Variants in UNC50 observed in about 807,000 individuals in gnomAD.
UNC50 encodes the protein protein unc-50 homolog.
In UNC50, 24 loss-of-function variants were observed where a neutral mutation model predicts 31.5. The ratio of observed to expected loss-of-function variants is 0.76; its 90% confidence interval spans 0.55 to 1.07. The LOEUF is 1.07. Ranked by LOEUF, UNC50 falls within the 50% of genes least tolerant of loss-of-function variation. The pLI is 0.00. For missense variants in UNC50, 245 were observed against 304.2 expected (o/e 0.81, Z 1.45); for synonymous variants, 118 against 114.7 (o/e 1.03, Z -0.18).
At position 98,616,446 on chromosome 2, in the gene UNC50, G is replaced by A; in HGVS notation, c.556G>A (p.Asp186Asn). 1 of 1,614,104 alleles carries A rather than the reference G, an allele frequency of 6.2e-7. No individual in the cohort carries two copies. The highest frequency in any genetic ancestry group is 1.7e-5 in the Admixed American group (1 of 60,026). ...TCTTCTGGCAGATGTTATCCTGACA[G>A]ACACATTTATTGGATATTTAGTTGG... ...LFFINHVILT[D>N]TFIGYLVGNT... Residue 186 changes from aspartate (D) to asparagine (N), a missense_variant, in exon 5 of 6, where the codon GAC becomes AAC. Transcript: ENST00000357765.
intron 3 of UNC50, among the ~76,000 whole-genome samples, chr2:98,612,880 C>T (rs1399821336): frequency 6.6e-6 from 1 of 152,166 alleles, no homozygotes; most frequent in Non-Finnish European, 1.5e-5. Context: ...CACTATGGCT[C>T]TAAAAAACAA....
chr2:98,610,829 A>C lies in UNC50; in HGVS notation c.335A>C (p.Lys112Thr), dbSNP rs768351651. Reference sequence around the variant, plus strand: ...GACATGGGATTCTTTGAGACAATAAAGCTTCTCCTTTGGGTTGTACTCATA... The same window carrying C: ...GACATGGGATTCTTTGAGACAATAACGCTTCTCCTTTGGGTTGTACTCATA... Reference protein sequence around the residue: ...VLDMGFFETIKLLLWVVLIDC... With the variant: ...VLDMGFFETITLLLWVVLIDC... The change falls in exon 3 of 6, where the codon AAG (lysine) becomes ACG (threonine). Residue 112 changes from lysine (K) to threonine (T), a missense_variant. By Grantham distance (78) the Lys-to-Thr change is moderately conservative (BLOSUM62 -1). Transcript: ENST00000357765. 1 of 1,614,072 alleles carries C rather than the reference A, an allele frequency of 6.2e-7. No individual in the cohort carries two copies. Among genetic ancestry groups the C allele is most frequent in the African/African-American group, 1.3e-5 (1 of 74,934 alleles).
chr2:98,617,526 G>A lies in UNC50; in HGVS notation c.644-642G>A, dbSNP rs528923398. Among the ~76,000 whole-genome samples, 3 of 152,110 alleles carry A rather than the reference G, an allele frequency of 2.0e-5. No homozygotes were observed. The East Asian group carries it at 5.8e-4, about 29-fold the overall frequency. On this transcript the variant is annotated intron_variant, in intron 5 of 5. Coordinates refer to ENST00000357765, the MANE Select transcript of UNC50 (RefSeq NM_014044.7). Reference sequence around the variant, plus strand: ...TCCTGGTAACGACCTATACCACTTAGAATAGTTGGAGTACAGCTCAGTTTG... The same window carrying A: ...TCCTGGTAACGACCTATACCACTTAAAATAGTTGGAGTACAGCTCAGTTTG...
intron 5 of UNC50, among the ~76,000 whole-genome samples, chr2:98,617,147 A>ATTAT (rs1252237474): frequency 3.9e-5 from 6 of 152,234 alleles, no homozygotes; most frequent in African/African-American, 1.4e-4. Flanking sequence ...AGGAACATAT[A>ATTAT]TTATTTTTCA....
intron 1 of UNC50, chr2:98,609,543 G>C (rs1319521249): frequency 1.5e-6 from 1 of 662,756 alleles, no homozygotes; most frequent in Non-Finnish European, 2.6e-6. Context: ...CAGAAGGGTG[G>C]GCTGTTGCCC....
In UNC50 at chr2:98,618,412, T is replaced by TA. The variant is rs1039245504; in HGVS notation, c.*111dup. 8.0e-7 allele frequency: 1 copy of TA among 1,246,342 alleles called. No homozygotes were observed. Among genetic ancestry groups the TA allele is most frequent in the Admixed American group, 3.4e-5 (1 of 29,400 alleles). The allele number at this position is 1,246,342 out of a possible 1,614,324, so 77.2% of individuals were successfully genotyped here. A position where few individuals can be genotyped will look rare whatever the true frequency, so the allele number is the denominator to read the frequency against. ...CATCTTTGTAGATATCTTAAAGGTGTAAAGTTTGCAAATTTGAAGAAATAT... is the reference window on the plus strand; with the variant it reads ...CATCTTTGTAGATATCTTAAAGGTGTAAAAGTTTGCAAATTTGAAGAAATAT... On this transcript the variant is annotated 3_prime_UTR_variant, in exon 6 of 6. Coordinates refer to ENST00000357765, the MANE Select transcript of UNC50 (RefSeq NM_014044.7).
At chr2:98,618,028 A>AAAT (rs1575233195) in intron 5 of UNC50, 140 bp from the exon 6 acceptor site, 2 of 926,028 alleles carry the variant, frequency 2.2e-6, no homozygotes, top group East Asian at 5.4e-5. Flanking sequence ...TTCTGGGCAT[A>AAAT]AATAGCATCA....
chr2:98,615,211 C>G lies in UNC50; in HGVS notation c.402-996C>G, dbSNP rs142549238. Among the ~76,000 whole-genome samples the G allele has an allele frequency of 2.4e-3, 370 of 152,316 alleles. 1 individual carries two copies. Among genetic ancestry groups the G allele is most frequent in the Middle Eastern group, 6.8e-3 (2 of 294 alleles). On this transcript the variant is annotated intron_variant, in intron 3 of 5. Coordinates refer to ENST00000357765, the MANE Select transcript of UNC50 (RefSeq NM_014044.7). Reference sequence around the variant, plus strand: ...CTTGGGCCTTGGGCCTGTTCATTATCCACATTCATTTTTTTGGTGACATCA... The same window carrying G: ...CTTGGGCCTTGGGCCTGTTCATTATGCACATTCATTTTTTTGGTGACATCA...
rs1007450838 is a variant in UNC50 at position 98,618,068 on chromosome 2, C to T, written c.644-100C>T. 6 of 1,242,838 alleles carry T rather than the reference C, an allele frequency of 4.8e-6. No individual in the cohort carries two copies. In the African/African-American group the frequency reaches 9.2e-5, roughly 19 times the overall value. 77.0% of individuals were successfully genotyped at this position (1,242,838 alleles called of 1,614,324 possible). On this transcript the variant is annotated intron_variant, in intron 5 of 5. Transcript: ENST00000357765. ...ACTGATTCAAAATATGCATTCCCTT[C>T]CACCCCACATGTTGAAGTAAGCTGT...
At chr2:98,609,599 T>G in intron 1 of UNC50, 157 bp from the exon 2 acceptor site, 2 of 1,196,822 alleles carry the variant, frequency 1.7e-6, no homozygotes, top group Non-Finnish European at 2.4e-6. Flanking sequence ...AAGACCCGCC[T>G]CAGAACTAAC....
intron 2 of UNC50, among the ~76,000 whole-genome samples, chr2:98,610,319 C>G (rs1260893271): frequency 1.3e-5 from 2 of 152,032 alleles, no homozygotes; most frequent in East Asian, 3.9e-4. Context: ...TGTCAGCTGA[C>G]TGTGAATAGG....
In UNC50 at chr2:98,616,331, CT is replaced by C. The variant is rs752307344; in HGVS notation, c.533del (p.Phe178SerfsTer7). The C allele has an allele frequency of 1.9e-6, 3 of 1,613,972 alleles. No homozygotes were observed. Among genetic ancestry groups the C allele is most frequent in the Non-Finnish European group, 1.7e-6 (2 of 1,179,968 alleles). On this transcript the variant is annotated frameshift_variant, in exon 4 of 6. Coordinates refer to ENST00000357765, the MANE Select transcript of UNC50 (RefSeq NM_014044.7). LOFTEE classifies it high-confidence loss of function. ...CCTGGTCATTTTGCATTTTATCCAG[CT>C]TTTTTTCATCAACCGTAAGTAGCAG... ...PLLVILHFIQ[L>X]FFINHVILTD...
intron 5 of UNC50, 65 bp downstream of exon 5, chr2:98,616,598 G>A (rs1212319815): frequency 4.6e-6 from 6 of 1,304,512 alleles, no homozygotes; most frequent in African/African-American, 2.9e-5. Flanking sequence ...TGTAACAGTA[G>A]TACAAACAGC....
intron 3 of UNC50, among the ~76,000 whole-genome samples, chr2:98,614,063 T>G (rs79843711): frequency 3.3e-5 from 5 of 152,282 alleles, no homozygotes; most frequent in Non-Finnish European, 5.9e-5. Context: ...AAATTGGACT[T>G]TATCTCATAG....
Position 98,609,740 on chromosome 2 carries a change from T to C in UNC50, c.-4-16T>C. 1 of 1,613,892 alleles carries C rather than the reference T, an allele frequency of 6.2e-7. No individual in the cohort carries two copies. The highest frequency in any genetic ancestry group is 1.7e-4 in the Middle Eastern group (1 of 6,060). Reference sequence around the variant, plus strand: ...CTTCAGAATACGTGTAAAAGAAATGTTTTTCTTCCATCTAGGAAGATGTTA... The same window carrying C: ...CTTCAGAATACGTGTAAAAGAAATGCTTTTCTTCCATCTAGGAAGATGTTA... On this transcript the variant is annotated splice_polypyrimidine_tract_variant and intron_variant, in intron 1 of 5. Transcript: ENST00000357765.
intron 1 of UNC50, chr2:98,609,400 G>T (rs968536102): frequency 5.8e-6 from 2 of 342,594 alleles, no homozygotes; most frequent in Non-Finnish European, 1.1e-5. Flanking sequence ...TAAAAGCTTG[G>T]TGGTTAAGAG....
At chr2:98,614,171 G>A (rs1365669777) in intron 3 of UNC50, among the ~76,000 whole-genome samples, 4 of 152,240 alleles carry the variant, frequency 2.6e-5, no homozygotes, top group Non-Finnish European at 5.9e-5. Context: ...CCATGGCAGT[G>A]GAGGAGGCAA....
rs17034269 is a variant in UNC50 at position 98,610,663 on chromosome 2, T to C, written c.281-112T>C. ...GTGTTCACACATCTTGGGAGTTTTGTTTAAAGACCTGTCTCTCCCACTAGC... is the reference window on the plus strand; with the variant it reads ...GTGTTCACACATCTTGGGAGTTTTGCTTAAAGACCTGTCTCTCCCACTAGC... On this transcript the variant is annotated intron_variant, in intron 2 of 5. Transcript: ENST00000357765. The C allele has an allele frequency of 2.2e-3, 2,981 of 1,377,690 alleles. 46 individuals are homozygous for C. In the African/African-American group the frequency reaches 0.039, roughly 18 times the overall value. The allele number at this position is 1,377,690 out of a possible 1,614,324, so 85.3% of individuals were successfully genotyped here.
chr2:98,610,001 A>G lies in UNC50; in HGVS notation c.242A>G (p.Asp81Gly), dbSNP rs1239213836. 1.2e-6 allele frequency: 2 copies of G among 1,614,144 alleles called. No individual in the cohort carries two copies. The highest frequency in any genetic ancestry group is 1.7e-6 in the Non-Finnish European group (2 of 1,180,004). Residue 81 changes from aspartate (D) to glycine (G), a missense_variant, in exon 2 of 6, where the codon GAC becomes GGC. Transcript: ENST00000357765. Reference sequence around the variant, plus strand: ...ACGAAGGACCAGTGGGCCAGAGATGACCCTGCTTTCTTGGTCCTGTTAAGT... The same window carrying G: ...ACGAAGGACCAGTGGGCCAGAGATGGCCCTGCTTTCTTGGTCCTGTTAAGT... ...KQTKDQWARD[D>G]PAFLVLLSIW...
Sources: allele counts gnomAD v4.1 joint callset (sites outside exome capture counted in the v4.1 genomes callset), GRCh38; gene constraint gnomAD v4.1.1; transcripts MANE v1.5; gene names NCBI Gene and HGNC (gene_info 2026-07-23, HGNC 2026-07-21).